PRKACB: variants seen among roughly 807,000 people sequenced by gnomAD.
The protein encoded by PRKACB is cAMP-dependent protein kinase catalytic subunit beta.
A neutral mutation model predicts 51.4 loss-of-function variants in PRKACB; 16 were observed. The observed-to-expected ratio is 0.31, with a 90% confidence interval of 0.21 to 0.47. The LOEUF is 0.47. PRKACB is among the 20% of genes least tolerant of loss of function. PRKACB has a pLI of 1.00. For synonymous variants in PRKACB, 147 were observed against 154.4 expected (o/e 0.95, Z 0.35); for missense variants, 309 against 464.5 (o/e 0.67, Z 3.08).
chr1:84,101,406 ATAAC>A (rs1230093115), intron 1 of PRKACB, among the ~76,000 whole-genome samples: 1 of 152,244 alleles, frequency 6.6e-6, no homozygotes, highest in African/African-American at 2.4e-5. Context: ...TCAGTGTTGA[ATAAC>A]TAACGACTAT....
At chr1:84,230,414 G>A (rs1221475904) in intron 9 of PRKACB, among the ~76,000 whole-genome samples, 4 of 152,190 alleles carry the variant, frequency 2.6e-5, no homozygotes, top group South Asian at 2.1e-4. Flanking sequence ...TTGGCGATGC[G>A]GGCTCTTTTT....
chr1:84,135,461 C>A (rs534676613), intron 1 of PRKACB, among the ~76,000 whole-genome samples: 1 of 152,090 alleles, frequency 6.6e-6, no homozygotes, highest in Non-Finnish European at 1.5e-5. Context: ...CTCCATTTAA[C>A]AAGAGCAAAA....
At chr1:84,125,633 T>G (rs139896315) in intron 1 of PRKACB, among the ~76,000 whole-genome samples, 7 of 152,296 alleles carry the variant, frequency 4.6e-5, no homozygotes, top group African/African-American at 1.7e-4. Context: ...ATTTCAAGAC[T>G]CAGTCACAAT....
At chr1:84,132,258 G>T (rs1652306175) in intron 1 of PRKACB, among the ~76,000 whole-genome samples, 1 of 147,068 alleles carries the variant, frequency 6.8e-6, no homozygotes, top group African/African-American at 2.5e-5. Flanking sequence ...ATGCATTTCA[G>T]CTGGAAGAGT....
intron 1 of PRKACB, among the ~76,000 whole-genome samples, chr1:84,100,201 TAAA>T (rs1649235865): frequency 6.6e-6 from 1 of 152,138 alleles, no homozygotes; most frequent in Admixed American, 6.6e-5. Flanking sequence ...CAAACACTTA[TAAA>T]ACTGTCAGAT....
rs913971064 is a variant in PRKACB at position 84,202,811 on chromosome 1, TA to T, written c.906+10del. 1 of 1,591,426 alleles carries T rather than the reference TA, an allele frequency of 6.3e-7. No homozygotes were observed. Among genetic ancestry groups the T allele is most frequent in the Non-Finnish European group, 8.6e-7 (1 of 1,161,852 alleles). ...AAAAGATTGTTTCTGGAAAGGTAAGTAAAACATTTTATTATTCCTCTCTTAT... is the reference window on the plus strand; with the variant it reads ...AAAAGATTGTTTCTGGAAAGGTAAGTAAACATTTTATTATTCCTCTCTTAT... On this transcript the variant is annotated splice_region_variant and intron_variant, in intron 8 of 9. Transcript: ENST00000370685.
intron 1 of PRKACB, among the ~76,000 whole-genome samples, chr1:84,119,011 A>G (rs926615215): frequency 6.6e-6 from 1 of 152,194 alleles, no homozygotes; most frequent in Non-Finnish European, 1.5e-5. Context: ...GGTAACTTCA[A>G]AGTTCAAGTG....
chr1:84,164,192 A>T (rs1656687990), intron 1 of PRKACB: 1 of 1,181,572 alleles, frequency 8.5e-7, no homozygotes, highest in Admixed American at 3.0e-5. Context: ...CATAACACAG[A>T]ATGTTTAAAT....
chr1:84,231,369 G>A (rs1467068076), intron 9 of PRKACB, among the ~76,000 whole-genome samples: 1 of 152,116 alleles, frequency 6.6e-6, no homozygotes, highest in African/African-American at 2.4e-5. Flanking sequence ...CAAGGATATT[G>A]GACTAAAATT....
In PRKACB at chr1:84,197,747, G is replaced by A; in HGVS notation, c.706G>A (p.Ala236Thr). The change falls in exon 7 of 10, where the codon GCC (alanine) becomes ACC (threonine). Residue 236 changes from alanine to threonine, a missense_variant. Physicochemically the swap from Ala to Thr is moderately conservative, Grantham distance 58. Coordinates refer to ENST00000370685, the MANE Select transcript of PRKACB (RefSeq NM_182948.4). ...GYIQVTDFGFAKRVKGRTWTL... is the reference protein window; with the variant it reads ...GYIQVTDFGFTKRVKGRTWTL... ...TTTATAGGTCACAGACTTTGGGTTTGCCAAAAGAGTTAAAGGCAGAACTTG... is the reference window on the plus strand; with the variant it reads ...TTTATAGGTCACAGACTTTGGGTTTACCAAAAGAGTTAAAGGCAGAACTTG... 6.2e-7 allele frequency: 1 copy of A among 1,610,142 alleles called. No individual in the cohort carries two copies. Among genetic ancestry groups the A allele is most frequent in the Non-Finnish European group, 8.5e-7 (1 of 1,177,598 alleles).
At chr1:84,157,747 G>A (rs984441400) in intron 1 of PRKACB, among the ~76,000 whole-genome samples, 6 of 152,064 alleles carry the variant, frequency 3.9e-5, no homozygotes, top group African/African-American at 1.4e-4. Context: ...CCGATTTATT[G>A]TTGAATTATA....
intron 3 of PRKACB, 71 bp downstream of exon 3, chr1:84,182,399 C>G: frequency 1.6e-6 from 2 of 1,229,274 alleles, no homozygotes; most frequent in South Asian, 2.5e-5. Flanking sequence ...TAAACAGATT[C>G]AGTATAATGA....
chr1:84,220,811 T>C (rs1435671691), intron 9 of PRKACB, among the ~76,000 whole-genome samples: 3 of 152,172 alleles, frequency 2.0e-5, no homozygotes, highest in Non-Finnish European at 2.9e-5. Flanking sequence ...TGTTGTATTA[T>C]ATATTTGTTG....
rs2100866049 is a variant in PRKACB at position 84,174,435 on chromosome 1, C to T, written c.188-4742C>T. On this transcript the variant is annotated intron_variant, in intron 1 of 9. Transcript: ENST00000370685. ...TAATTGCCTTTGTTGTAGTCTTTGT[C>T]CCATTCCATTATGATGATTCATGTA... Among the ~76,000 whole-genome samples the T allele has an allele frequency of 2.0e-5, 3 of 151,924 alleles. No individual in the cohort carries two copies. In the Middle Eastern group the frequency reaches 0.01, roughly 517 times the overall value.
intron 8 of PRKACB, among the ~76,000 whole-genome samples, chr1:84,207,894 A>C (rs745711863): frequency 2.0e-5 from 3 of 151,928 alleles, no homozygotes; most frequent in African/African-American, 7.3e-5. Context: ...TTGAGATGGA[A>C]TCTTGCTCTG....
Position 84,162,117 on chromosome 1 carries a change from C to T in PRKACB, c.188-17060C>T, listed in dbSNP as rs572691147. On this transcript the variant is annotated intron_variant, in intron 1 of 9. Coordinates refer to ENST00000370685, the MANE Select transcript of PRKACB (RefSeq NM_182948.4). ...TGCTTTCTTGTTTCTTTTAGCACTT[C>T]ATTTCTCTGCCTTCTGGCCCTACTT... Among the ~76,000 whole-genome samples the T allele has an allele frequency of 2.0e-5, 3 of 152,092 alleles. No individual in the cohort carries two copies. The East Asian group carries it at 5.8e-4, about 30-fold the overall frequency.
At chr1:84,228,305 C>T (rs1032933272) in intron 9 of PRKACB, among the ~76,000 whole-genome samples, 1 of 152,020 alleles carries the variant, frequency 6.6e-6, no homozygotes, top group Non-Finnish European at 1.5e-5. Context: ...ATTAAAAACC[C>T]TTGGAGAGCT....
intron 1 of PRKACB, among the ~76,000 whole-genome samples, chr1:84,115,021 C>G (rs1183628367): frequency 2.6e-5 from 4 of 152,126 alleles, no homozygotes; most frequent in Admixed American, 1.3e-4. Context: ...TTCTTTGATA[C>G]ACTGTCTTCT....
intron 5 of PRKACB, among the ~76,000 whole-genome samples, chr1:84,186,354 G>C (rs1001338028): frequency 2.0e-5 from 3 of 152,000 alleles, no homozygotes; most frequent in African/African-American, 7.3e-5. Context: ...GAGTAGCTGG[G>C]ACTAGAGGTG....
Sources: allele counts gnomAD v4.1 joint callset (sites outside exome capture counted in the v4.1 genomes callset), GRCh38; gene constraint gnomAD v4.1.1; transcripts MANE v1.5; gene names NCBI Gene and HGNC (gene_info 2026-07-23, HGNC 2026-07-21).